The following KIAA1549 variants were observed in gnomAD, a reference collection of about 807,000 sequenced individuals.
KIAA1549 encodes the protein KIAA1549, also known as UPF0606 protein KIAA1549.
KIAA1549 carries 70 observed loss-of-function variants against 156.4 expected under a neutral mutation model. The observed-to-expected ratio is 0.45, with a 90% CI of 0.37 to 0.55. KIAA1549 has a LOEUF of 0.55. Ranked by LOEUF, KIAA1549 falls within the 20% of genes least tolerant of loss-of-function variation. The probability of loss-of-function intolerance (pLI) is 0.00; values close to 1 mark genes in which losing one functional copy is unlikely to be tolerated. For missense variants in KIAA1549, 2,428 were observed against 2,540.9 expected, an observed-to-expected ratio of 0.96 and a Z score of 0.96; for synonymous variants, 1,103 against 1,066.4, an observed-to-expected ratio of 1.03 and a Z score of -0.67.
intron 10 of KIAA1549, among the ~76,000 whole-genome samples, chr7:138,887,955 T>C (rs771648971): frequency 9.9e-5 from 15 of 152,130 alleles, no homozygotes; most frequent in Admixed American, 5.9e-4. Context: ...CGCAGAAGAA[T>C]ACAAGGAGAA....
At chr7:138,839,840 T>G (rs1016776639) in intron 19 of KIAA1549, among the ~76,000 whole-genome samples, 5 of 125,944 alleles carry the variant, frequency 4.0e-5, no homozygotes, top group Non-Finnish European at 6.3e-5. Flanking sequence ...CAGGCTGGAG[T>G]GCAGTGGCAC....
chr7:138,861,705 A>AG (rs2130367594), intron 15 of KIAA1549, among the ~76,000 whole-genome samples: 2 of 150,324 alleles, frequency 1.3e-5, no homozygotes, highest in Middle Eastern at 3.4e-3. Context: ...AAAAAAAAAA[A>AG]GAAAAAAAAA....
rs1809788670 is a variant in KIAA1549 at position 138,837,995 on chromosome 7, G to T, written c.5764C>A (p.His1922Asn). The change falls in exon 20 of 20, where the codon CAC (histidine) becomes AAC (asparagine). Residue 1922 changes from histidine to asparagine, a missense_variant. His to Asn is a moderately conservative substitution (Grantham distance 68). This residue lies in a region of KIAA1549 where 363 missense variants were observed against 354.0 expected (regional missense o/e 1.03). Transcript: ENST00000422774. ...TSSTEDLQPG[H>N]SSASLIKAIR... ...GCTTTGATGAGAGAGGCCGAGGAGT[G>T]GCCAGGCTGGAGGTCTTCCGTGGAG... The T allele has an allele frequency of 1.2e-6, 2 of 1,612,950 alleles. No homozygotes were observed. Among genetic ancestry groups the T allele is most frequent in the African/African-American group, 2.7e-5 (2 of 74,940 alleles).
intron 19 of KIAA1549, among the ~76,000 whole-genome samples, chr7:138,839,494 A>G (rs1809843914): frequency 6.6e-6 from 1 of 152,210 alleles, no homozygotes; most frequent in African/African-American, 2.4e-5. Flanking sequence ...TGACATTAAC[A>G]AACCCACAGT....
At chr7:138,974,585 C>T (rs988561854) in intron 1 of KIAA1549, among the ~76,000 whole-genome samples, 1 of 151,822 alleles carries the variant, frequency 6.6e-6, no homozygotes, top group Non-Finnish European at 1.5e-5. Context: ...CCATGCCTGG[C>T]TATTTTTTTG....
intron 17 of KIAA1549, 84 bp downstream of exon 17, chr7:138,852,139 T>A: frequency 1.2e-6 from 1 of 859,976 alleles, no homozygotes; most frequent in Non-Finnish European, 1.9e-6. Flanking sequence ...TCTGCTCATA[T>A]TAGCTAAAAT....
intron 15 of KIAA1549, among the ~76,000 whole-genome samples, chr7:138,867,598 C>T (rs563166521): frequency 6.6e-6 from 1 of 152,186 alleles, no homozygotes; most frequent in African/African-American, 2.4e-5. Flanking sequence ...CCAAATAACC[C>T]TCTGACTAGG....
intron 6 of KIAA1549, 105 bp downstream of exon 6, chr7:138,906,814 T>TA: frequency 2.3e-6 from 2 of 874,904 alleles, no homozygotes; most frequent in South Asian, 2.4e-5. Flanking sequence ...AAATAATTTT[T>TA]AAAAAATCAA....
At chr7:138,890,597 C>G (rs923969749) in intron 10 of KIAA1549, among the ~76,000 whole-genome samples, 10 of 152,260 alleles carry the variant, frequency 6.6e-5, no homozygotes, top group Non-Finnish European at 1.5e-4. Context: ...ACAGGTGACA[C>G]CCGGCACGGT....
At chr7:138,909,882 G>A (rs1250790736) in intron 4 of KIAA1549, among the ~76,000 whole-genome samples, 1 of 152,080 alleles carries the variant, frequency 6.6e-6, no homozygotes, top group Non-Finnish European at 1.5e-5. Context: ...GGGAGGCAAA[G>A]GTTGCAGTGA....
chr7:138,841,840 A>G (rs990650734), intron 18 of KIAA1549, among the ~76,000 whole-genome samples: 3 of 151,906 alleles, frequency 2.0e-5, no homozygotes, highest in Admixed American at 2.0e-4. Context: ...TGATGGGATT[A>G]TAGCTGTGAG....
intron 1 of KIAA1549, among the ~76,000 whole-genome samples, chr7:138,942,389 C>A (rs1003480067): frequency 6.6e-6 from 1 of 151,310 alleles, no homozygotes; most frequent in African/African-American, 2.4e-5. Flanking sequence ...AAGAGCAATA[C>A]GGTGAAAATA....
intron 1 of KIAA1549, among the ~76,000 whole-genome samples, chr7:138,950,698 T>C (rs931828596): frequency 6.6e-6 from 1 of 152,182 alleles, no homozygotes; most frequent in African/African-American, 2.4e-5. Flanking sequence ...ACAGCAAAGG[T>C]GGCCGAGGCC....
At chr7:138,955,942 G>A (rs1264402196) in intron 1 of KIAA1549, among the ~76,000 whole-genome samples, 2 of 152,140 alleles carry the variant, frequency 1.3e-5, no homozygotes, top group Admixed American at 6.6e-5. Flanking sequence ...CACCCAGGCT[G>A]GAGTGCAGTG....
intron 1 of KIAA1549, among the ~76,000 whole-genome samples, chr7:138,974,004 G>A (rs770232557): frequency 2.6e-5 from 4 of 152,202 alleles, no homozygotes; most frequent in East Asian, 1.9e-4. Flanking sequence ...GAATGTACAG[G>A]TGATAGTCAA....
intron 14 of KIAA1549, 56 bp from the exon 15 acceptor site, chr7:138,868,184 T>G: frequency 6.5e-7 from 1 of 1,545,018 alleles, no homozygotes; most frequent in East Asian, 2.3e-5. Context: ...TGCCACTGAC[T>G]TACCAACTAA....
intron 1 of KIAA1549, among the ~76,000 whole-genome samples, chr7:138,940,096 G>A (rs1813134467): frequency 6.6e-6 from 1 of 152,096 alleles, no homozygotes; most frequent in African/African-American, 2.4e-5. Context: ...ACATGTGCCA[G>A]GTTCATGTGC....
At chr7:138,900,149 C>T (rs1259390788) in intron 8 of KIAA1549, among the ~76,000 whole-genome samples, 1 of 152,220 alleles carries the variant, frequency 6.6e-6, no homozygotes, top group African/African-American at 2.4e-5. Flanking sequence ...GTGCTCTGGA[C>T]ACAGCTGCTG....
intron 19 of KIAA1549, among the ~76,000 whole-genome samples, chr7:138,839,439 C>A (rs1809842311): frequency 6.6e-6 from 1 of 152,184 alleles, no homozygotes; most frequent in South Asian, 2.1e-4. Context: ...ATGTCCCCAA[C>A]TGTGTGCTTA....
Sources: gnomAD v4.1 joint callset for allele counts (sites outside exome capture counted in the v4.1 genomes callset) on GRCh38, gnomAD v4.1.1 for gene constraint, gnomAD v4.1.1 regional missense constraint, MANE v1.5 for transcripts, NCBI Gene and HGNC (gene_info 2026-07-23, HGNC 2026-07-21) for gene names.